RTL9: variants seen among roughly 807,000 people sequenced by gnomAD.
The protein encoded by RTL9 is retrotransposon Gag-like protein 9.
In RTL9, 19 loss-of-function variants were observed where a neutral mutation model predicts 44.7. The observed-to-expected ratio is 0.42, with a 90% confidence interval of 0.30 to 0.62. The LOEUF (loss-of-function observed/expected upper bound fraction) is 0.62. RTL9 is among the 20% of genes least tolerant of loss of function. The pLI, the probability that RTL9 is intolerant of heterozygous loss-of-function variation, is 0.16. For synonymous variants in RTL9, 407 were observed against 398.9 expected (o/e 1.02, Z -0.24); for missense variants, 1,105 against 1,080.6 (o/e 1.02, Z -0.32).
At chrX:110,375,462 T>C (rs1334063996) in intron 1 of RTL9, among the ~76,000 whole-genome samples, 2 of 111,809 alleles carry the variant, frequency 1.8e-5, no homozygotes, top group Non-Finnish European at 3.8e-5. Context: ...AGATCTGCCA[T>C]GTTCATCATT....
At chrX:110,456,055 T>C (rs2068978998) in exon 2 of RTL9, 1 of 111,934 alleles carries the variant, frequency 8.9e-6, no homozygotes. Context: ...CAGTGGGGGT[T>C]CTCTAGCTCT....
intron 1 of RTL9, among the ~76,000 whole-genome samples, chrX:110,429,722 T>A (rs915329979): frequency 9.0e-6 from 1 of 111,341 alleles, no homozygotes; most frequent in Non-Finnish European, 1.9e-5. Flanking sequence ...CCTCAAGTGT[T>A]CCACCTGTCT....
At chrX:110,447,111 C>CTTTTTTTTT (rs1181988453), upstream of RTL9, among the ~76,000 whole-genome samples, 299 of 36,823 alleles carry the variant, frequency 8.1e-3, 7 homozygotes, top group African/African-American at 0.012. Flanking sequence ...TATTCTGTGA[C>CTTTTTTTTT]TTTTTTTTTT....
intron 1 of RTL9, among the ~76,000 whole-genome samples, chrX:110,439,197 A>T (rs2068861457): frequency 8.9e-6 from 1 of 111,948 alleles, no homozygotes; most frequent in Admixed American, 9.4e-5. Flanking sequence ...TGCTTCAGGG[A>T]CTGACAAGCC....
chrX:110,428,979 C>T (rs1341638689), intron 1 of RTL9, among the ~76,000 whole-genome samples: 3 of 112,082 alleles, frequency 2.7e-5, no homozygotes, highest in African/African-American at 6.5e-5. Flanking sequence ...CTTGCTCCTC[C>T]TTCAACTGCT....
chrX:110,428,156 T>C (rs768312), intron 1 of RTL9, among the ~76,000 whole-genome samples: 19,796 of 111,703 alleles, frequency 0.18, 4,058 homozygotes, highest in African/African-American at 0.6. Context: ...TTCCCTCTTT[T>C]TGGAGTGACT....
chrX:110,372,664 G>A (rs2068347558), intron 1 of RTL9, among the ~76,000 whole-genome samples: 1 of 111,623 alleles, frequency 9.0e-6, no homozygotes, highest in African/African-American at 3.3e-5. Context: ...TATTTTCACT[G>A]TTAAAAGCAA....
chrX:110,419,588 C>T (rs1479286758), intron 1 of RTL9, among the ~76,000 whole-genome samples: 1 of 112,607 alleles, frequency 8.9e-6, no homozygotes, highest in Non-Finnish European at 1.9e-5. Flanking sequence ...AGCAATGTGT[C>T]CCTCTCCTCT....
At position 110,389,963 on chromosome X, in the gene RTL9, C is replaced by T. The variant is rs190112322; in HGVS notation, c.-168+31047C>T. ...TATTTCACCAAGGACAGAGTCAGCT[C>T]GCTTGTTTACCACAGAGTATTGGAA... is the stretch of plus-strand genomic sequence containing the variant. On this transcript the variant is annotated intron_variant, in intron 1 of 2. Transcript: ENST00000520821. Among the ~76,000 whole-genome samples, 521 of 111,652 alleles carry T rather than the reference C, an allele frequency of 4.7e-3. 3 individuals carry two copies. Among genetic ancestry groups the T allele is most frequent in the African/African-American group, 0.016 (487 of 30,731 alleles).
chrX:110,369,124 GA>G (rs2068318806), intron 1 of RTL9, among the ~76,000 whole-genome samples: 1 of 111,627 alleles, frequency 9.0e-6, no homozygotes, highest in Admixed American at 9.5e-5. Context: ...GGAAGTCAGG[GA>G]ATTGAGACCA....
At chrX:110,363,455 C>T (rs957392860) in intron 1 of RTL9, among the ~76,000 whole-genome samples, 1 of 111,690 alleles carries the variant, frequency 9.0e-6, no homozygotes, top group Non-Finnish European at 1.9e-5. Context: ...AGGGACCTCC[C>T]TATGTGTCAT....
intron 1 of RTL9, among the ~76,000 whole-genome samples, chrX:110,388,795 A>G (rs146915924): frequency 0.087 from 9,671 of 111,358 alleles, 608 homozygotes; most frequent in African/African-American, 0.21. Flanking sequence ...TTGCTCTGCC[A>G]AGTAGTTGGC....
intron 1 of RTL9, chrX:110,439,818 C>T (rs1023211779): frequency 1.8e-5 from 2 of 110,764 alleles, no homozygotes; most frequent in African/African-American, 6.6e-5. Flanking sequence ...ATAAAGATGA[C>T]CTTCCCTAGG....
intron 1 of RTL9, among the ~76,000 whole-genome samples, chrX:110,420,142 G>A (rs2068706375): frequency 9.0e-6 from 1 of 111,287 alleles, no homozygotes; most frequent in Non-Finnish European, 1.9e-5. Flanking sequence ...CACCTCCCAC[G>A]CCACCCCCAG....
At chrX:110,401,313 C>T (rs1380963442) in intron 1 of RTL9, among the ~76,000 whole-genome samples, 2 of 111,054 alleles carry the variant, frequency 1.8e-5, no homozygotes, top group African/African-American at 6.6e-5. Flanking sequence ...TTCAGACTCC[C>T]AGTGTGTCTC....
intron 1 of RTL9, among the ~76,000 whole-genome samples, chrX:110,413,868 G>A (rs2068658978): frequency 9.0e-6 from 1 of 111,238 alleles, no homozygotes; most frequent in Admixed American, 9.5e-5. Context: ...TATGTGCCAG[G>A]CATATACTAC....
At chrX:110,444,812 G>A (rs779114253) in intron 1 of RTL9, among the ~76,000 whole-genome samples, 1 of 112,327 alleles carries the variant, frequency 8.9e-6, no homozygotes, top group Non-Finnish European at 1.9e-5. Context: ...ATCTGCAGCA[G>A]AATCTCTCCG....
intron 1 of RTL9, among the ~76,000 whole-genome samples, chrX:110,383,995 C>T (rs1243504058): frequency 1.8e-5 from 2 of 112,081 alleles, no homozygotes; most frequent in African/African-American, 6.5e-5. Context: ...ACTTGTAAAA[C>T]CTTTAGAACA....
intron 1 of RTL9, among the ~76,000 whole-genome samples, chrX:110,388,499 A>T (rs2068473299): frequency 8.9e-6 from 1 of 111,797 alleles, no homozygotes; most frequent in Non-Finnish European, 1.9e-5. Context: ...TGGCGCTAGG[A>T]TGTACCTTAC....
Sources: allele counts gnomAD v4.1 joint callset (sites outside exome capture counted in the v4.1 genomes callset), GRCh38; gene constraint gnomAD v4.1.1; transcripts MANE v1.5; gene names NCBI Gene and HGNC (gene_info 2026-07-23, HGNC 2026-07-21).